The following RNF111 variants were observed in gnomAD, a reference collection of about 807,000 sequenced individuals.
RNF111 encodes the protein ring finger protein 111, also known as E3 ubiquitin-protein ligase Arkadia.
A neutral mutation model predicts 95.1 loss-of-function variants in RNF111; 17 were observed. That is an observed-to-expected ratio of 0.18 (90% CI 0.12 to 0.27). The LOEUF (loss-of-function observed/expected upper bound fraction) is 0.27, where lower values mean the gene tolerates loss of function less well. Among genes scored for constraint, RNF111 ranks in the 10% least tolerant of loss-of-function variants. The probability of loss-of-function intolerance (pLI) is 1.00; values close to 1 mark genes in which losing one functional copy is unlikely to be tolerated. For missense variants in RNF111, 1,189 were observed against 1,210.4 expected (o/e 0.98, Z 0.26); for synonymous variants, 440 against 414.8 (o/e 1.06, Z -0.74).
At chr15:59,062,117 C>T (rs1175537447) in intron 5 of RNF111, among the ~76,000 whole-genome samples, 2 of 149,658 alleles carry the variant, frequency 1.3e-5, no homozygotes, top group African/African-American at 4.9e-5. Context: ...AGTGCAGGCT[C>T]ACTGCAGCCT....
intron 1 of RNF111, among the ~76,000 whole-genome samples, chr15:58,996,663 T>C (rs1279153265): frequency 5.4e-5 from 8 of 148,260 alleles, no homozygotes; most frequent in Non-Finnish European, 8.9e-5. Context: ...TTTTTTTTTT[T>C]TTTTTTTTTT....
In RNF111 at chr15:59,080,924, T is replaced by C. The variant is rs2078722824; in HGVS notation, c.1949-12T>C. ...GTGCCTATGTAACATACTCAAAATA[T>C]TTTTCTTGCAGATGCCTCTTTGACA... On this transcript the variant is annotated splice_polypyrimidine_tract_variant and intron_variant, in intron 7 of 13. Transcript: ENST00000348370. The C allele has an allele frequency of 2.5e-6, 4 of 1,596,394 alleles. No individual in the cohort carries two copies. The highest frequency in any genetic ancestry group is 2.6e-6 in the Non-Finnish European group (3 of 1,170,324).
At chr15:59,047,919 G>A (rs1196129430) in intron 2 of RNF111, among the ~76,000 whole-genome samples, 3 of 152,132 alleles carry the variant, frequency 2.0e-5, no homozygotes, top group Middle Eastern at 3.2e-3. Flanking sequence ...GAGATACCAC[G>A]TATAGCCACT....
intron 1 of RNF111, among the ~76,000 whole-genome samples, chr15:58,999,054 G>A (rs2039213642): frequency 6.6e-6 from 1 of 152,096 alleles, no homozygotes; most frequent in South Asian, 2.1e-4. Context: ...AAGTTTTGGG[G>A]TAGTATCAAA....
chr15:59,082,028 T>C (rs1420061563), intron 8 of RNF111, among the ~76,000 whole-genome samples: 1 of 152,184 alleles, frequency 6.6e-6, no homozygotes, highest in Non-Finnish European at 1.5e-5. Context: ...GATCCTCCCA[T>C]GATCATGCCA....
intron 1 of RNF111, among the ~76,000 whole-genome samples, chr15:59,007,267 ATTT>A (rs796816598): frequency 7.0e-6 from 1 of 143,480 alleles, no homozygotes; most frequent in Non-Finnish European, 1.5e-5. Flanking sequence ...CCAATGTTCA[ATTT>A]TTTTTTTTTT....
At position 59,085,876 on chromosome 15, in the gene RNF111, TG is replaced by T. The variant is rs768843625; in HGVS notation, c.2550+92del. 2.2e-5 allele frequency: 24 copies of T among 1,084,620 alleles called. No individual in the cohort carries two copies. The East Asian group carries it at 6.2e-4, about 28-fold the overall frequency. The allele number at this position is 1,084,620 out of a possible 1,614,324, so 67.2% of individuals were successfully genotyped here. On this transcript the variant is annotated intron_variant, in intron 10 of 13. Coordinates refer to ENST00000348370, the MANE Select transcript of RNF111 (RefSeq NM_017610.8). ...AAATACTTCACTATATTAATATAGA[TG>T]TTTTAATAGAATTTGAGAGTAATCT...
intron 7 of RNF111, 98 bp downstream of exon 7, chr15:59,076,313 T>TG: frequency 7.3e-7 from 1 of 1,378,206 alleles, no homozygotes; most frequent in South Asian, 1.4e-5. Context: ...TCTTAAATTT[T>TG]TAGTATTTAC....
chr15:59,084,674 A>G (rs2078846709), intron 9 of RNF111, among the ~76,000 whole-genome samples: 1 of 152,070 alleles, frequency 6.6e-6, no homozygotes, highest in Admixed American at 6.6e-5. Flanking sequence ...GTTATTCTTC[A>G]CTGTAGTCAC....
intron 1 of RNF111, among the ~76,000 whole-genome samples, chr15:59,028,802 TAG>T (rs2040754344): frequency 6.7e-6 from 1 of 149,556 alleles, no homozygotes; most frequent in Non-Finnish European, 1.5e-5. Context: ...TTTCTTGAGA[TAG>T]AGTCTTGCTC....
At chr15:59,069,446 TAATAA>T (rs765466790) in intron 6 of RNF111, among the ~76,000 whole-genome samples, 114 of 152,352 alleles carry the variant, frequency 7.5e-4, no homozygotes, top group African/African-American at 2.4e-3. Context: ...ATTTTGTTAT[TAATAA>T]AATAATACAG....
intron 2 of RNF111, among the ~76,000 whole-genome samples, chr15:59,033,379 A>G (rs1175837508): frequency 6.6e-6 from 1 of 152,196 alleles, no homozygotes; most frequent in African/African-American, 2.4e-5. Context: ...CCATGTTCAG[A>G]TCAGTTTTAC....
chr15:59,004,845 A>G (rs1212646916), intron 1 of RNF111, among the ~76,000 whole-genome samples: 2 of 152,214 alleles, frequency 1.3e-5, no homozygotes, highest in Non-Finnish European at 2.9e-5. Flanking sequence ...TATATGGCCT[A>G]TAATATGGGA....
Position 59,031,324 on chromosome 15 carries a change from A to G in RNF111, c.502A>G (p.Thr168Ala), listed in dbSNP as rs147821959. Residue 168 changes from threonine to alanine, a missense_variant, in exon 2 of 14, where the codon ACC becomes GCC. Thr to Ala is a moderately conservative substitution (Grantham distance 58). Around this residue, in one of 2 missense-constraint regions of RNF111, gnomAD observed 1,024 missense variants for 925.9 expected, o/e 1.11. Transcript: ENST00000348370. ...AGAAGTCTCTGTAAGACATTCCCAGACCATTTTGAATGCTAAAAGTAGAAG... is the reference window on the plus strand; with the variant it reads ...AGAAGTCTCTGTAAGACATTCCCAGGCCATTTTGAATGCTAAAAGTAGAAG... ...DKEVSVRHSQ[T>A]ILNAKSRSHS... is the part of the protein sequence containing the mutation. 6.2e-7 allele frequency: 1 copy of G among 1,614,070 alleles called. No individual in the cohort carries two copies. The highest frequency in any genetic ancestry group is 1.3e-5 in the African/African-American group (1 of 74,930).
chr15:58,999,169 C>T (rs1247365151), intron 1 of RNF111, among the ~76,000 whole-genome samples: 1 of 152,146 alleles, frequency 6.6e-6, no homozygotes, highest in Admixed American at 6.5e-5. Context: ...TTAACCAGAA[C>T]AGCATATCAT....
Position 58,988,962 on chromosome 15 carries a change from T to G in RNF111, c.-20+894T>G, listed in dbSNP as rs184207940. On this transcript the variant is annotated intron_variant, in intron 1 of 13. Transcript: ENST00000348370. ...AAACTTTATTTCATTTGGTATTTTA[T>G]CTATAATTTTCTTGTTTTAGGGGCC... is the stretch of plus-strand genomic sequence containing the variant. 2.0e-3 allele frequency among the ~76,000 whole-genome samples: 307 copies of G among 152,320 alleles called. 4 individuals are homozygous for G. Among genetic ancestry groups the G allele is most frequent in the African/African-American group, 6.9e-3 (288 of 41,564 alleles).
chr15:59,043,157 ATT>A (rs201949013), intron 2 of RNF111, among the ~76,000 whole-genome samples: 13 of 145,070 alleles, frequency 9.0e-5, no homozygotes, highest in Admixed American at 1.4e-4. Context: ...CAATTTAGTA[ATT>A]TTTTTTTTTT....
intron 7 of RNF111, among the ~76,000 whole-genome samples, chr15:59,078,654 T>C (rs1238068127): frequency 6.8e-6 from 1 of 146,730 alleles, no homozygotes; most frequent in Non-Finnish European, 1.5e-5. Context: ...AGGTCAGGAG[T>C]TCAAGACCAG....
rs555128401 is a variant in RNF111 at position 59,076,166 on chromosome 15, C to T, written c.1899C>T (p.Pro633=). Reference sequence around the variant, plus strand: ...TGGTTGCGCAGCCCCAGCCCCAGCCCCCTCCACAGCCCTCTCTCTCATCAT... The same window carrying T: ...TGGTTGCGCAGCCCCAGCCCCAGCCTCCTCCACAGCCCTCTCTCTCATCAT... ...SSMVAQPQPQ[P]PPQPSLSSCR... The change falls in exon 7 of 14, where the codon CCC becomes CCT. Residue 633 remains proline (P), a synonymous_variant. Coordinates refer to ENST00000348370, the MANE Select transcript of RNF111 (RefSeq NM_017610.8). 384 of 1,613,900 alleles carry T rather than the reference C, an allele frequency of 2.4e-4. 9 individuals carry two copies. In the South Asian group the frequency reaches 4.1e-3, roughly 17 times the overall value.
Sources: gnomAD v4.1 joint callset for allele counts (sites outside exome capture counted in the v4.1 genomes callset) on GRCh38, gnomAD v4.1.1 for gene constraint, gnomAD v4.1.1 regional missense constraint, MANE v1.5 for transcripts, NCBI Gene and HGNC (gene_info 2026-07-23, HGNC 2026-07-21) for gene names.